The following ITK variants were observed in gnomAD, a reference collection of about 807,000 sequenced individuals.
ITK encodes IL2 inducible T cell kinase, also known as tyrosine-protein kinase ITK/TSK.
A neutral mutation model predicts 87.6 loss-of-function variants in ITK; 45 were observed. That is an observed-to-expected ratio of 0.51 (90% CI 0.40 to 0.66). The LOEUF (loss-of-function observed/expected upper bound fraction) is 0.66, where lower values mean the gene tolerates loss of function less well. ITK is among the 30% of genes least tolerant of loss of function. The pLI is 0.00. For synonymous variants in ITK, 303 were observed against 273.6 expected, an observed-to-expected ratio of 1.11 and a Z score of -1.06; for missense variants, 605 against 766.3, an observed-to-expected ratio of 0.79 and a Z score of 2.48.
intron 1 of ITK, among the ~76,000 whole-genome samples, chr5:157,208,414 C>G (rs1012840704): frequency 1.3e-5 from 2 of 151,200 alleles, no homozygotes; most frequent in Admixed American, 6.6e-5. Context: ...TGTGGGACTG[C>G]GGATAATTAA....
intron 6 of ITK, among the ~76,000 whole-genome samples, chr5:157,226,896 C>T (rs1309211986): frequency 6.6e-6 from 1 of 152,122 alleles, no homozygotes; most frequent in Non-Finnish European, 1.5e-5. Context: ...ACACCACTGC[C>T]CCCACCCGCC....
chr5:157,243,423 A>G (rs533633574), intron 11 of ITK, among the ~76,000 whole-genome samples, 200 bp from the exon 12 acceptor site: 40 of 152,252 alleles, frequency 2.6e-4, no homozygotes, highest in African/African-American at 6.3e-4. Flanking sequence ...CCTTCTTTCC[A>G]TGTTACCTTC....
At chr5:157,241,494 A>C in intron 10 of ITK, 152 bp from the exon 11 acceptor site, 11 of 668,718 alleles carry the variant, frequency 1.6e-5, no homozygotes, top group Non-Finnish European at 2.2e-5. Flanking sequence ...CAAGGAGGAT[A>C]TGATATCAAT....
At chr5:157,225,690 C>G (rs557200244) in intron 6 of ITK, among the ~76,000 whole-genome samples, 1 of 152,120 alleles carries the variant, frequency 6.6e-6, no homozygotes, top group Non-Finnish European at 1.5e-5. Context: ...CAACTCCCCT[C>G]GTCTGGAACC....
intron 7 of ITK, among the ~76,000 whole-genome samples, chr5:157,230,002 A>AT (rs1561659779): frequency 6.6e-6 from 1 of 152,184 alleles, no homozygotes; most frequent in Admixed American, 6.5e-5. Flanking sequence ...ACAAAAAAAT[A>AT]TTTTTTGTTA....
rs549137611 is a variant in ITK at position 157,220,445 on chromosome 5, T to C, written c.496-2418T>C. ...CACTAGAATGTGTCTGCATGTGTCC[T>C]TTCTTGCTGGCTGCCTACTAAGGCA... is the stretch of plus-strand genomic sequence containing the variant. On this transcript the variant is annotated intron_variant, in intron 5 of 16. Transcript: ENST00000422843. Among the ~76,000 whole-genome samples the C allele has an allele frequency of 2.0e-5, 3 of 152,330 alleles. No homozygotes were observed. The South Asian group carries it at 6.2e-4, about 32-fold the overall frequency.
At chr5:157,245,266 A>T in intron 13 of ITK, 1 of 226,512 alleles carries the variant, frequency 4.4e-6, no homozygotes, top group East Asian at 1.1e-4. Context: ...CTGGAGTGTT[A>T]TCTCCAATGG....
intron 7 of ITK, among the ~76,000 whole-genome samples, chr5:157,229,817 G>T (rs4122649): frequency 0.2 from 31,029 of 152,122 alleles, 4,077 homozygotes; most frequent in East Asian, 0.54. Context: ...GGGAGGCTGA[G>T]GCAGGAGAAT....
chr5:157,240,162 C>T lies in ITK; in HGVS notation c.952C>T (p.Leu318Phe). 3 of 1,614,140 alleles carry T rather than the reference C, an allele frequency of 1.9e-6. No individual in the cohort carries two copies. Among genetic ancestry groups the T allele is most frequent in the Non-Finnish European group, 2.5e-6 (3 of 1,180,002 alleles). Residue 318 changes from leucine (L) to phenylalanine (F), a missense_variant, in exon 10 of 17, where the codon CTT (leucine) becomes TTT (phenylalanine). Physicochemically the swap from Leu to Phe is conservative, Grantham distance 22 (BLOSUM62 0). Transcript: ENST00000422843. Reference sequence around the variant, plus strand: ...AAAGTATGTGTTCGATTCCATCCCTCTTCTCATCAACTATCACCAACATAA... The same window carrying T: ...AAAGTATGTGTTCGATTCCATCCCTTTTCTCATCAACTATCACCAACATAA... ...AEKYVFDSIP[L>F]LINYHQHNGG...
At chr5:157,229,444 A>T (rs1336404173) in intron 7 of ITK, among the ~76,000 whole-genome samples, 3 of 152,242 alleles carry the variant, frequency 2.0e-5, no homozygotes, top group Non-Finnish European at 2.9e-5. Flanking sequence ...CACTTCTGTG[A>T]TATTCCTGCT....
rs769943503 is a variant in ITK at position 157,180,845 on chromosome 5, T to C, written c.-133T>C. 4.6e-4 allele frequency: 368 copies of C among 805,742 alleles called. 1 individual carries two copies. Among genetic ancestry groups the C allele is most frequent in the Admixed American group, 9.5e-4 (46 of 48,286 alleles). The allele number at this position is 805,742 out of a possible 1,614,324, so 49.9% of individuals were successfully genotyped here. A position where few individuals can be genotyped will look rare whatever the true frequency, so the allele number is the denominator to read the frequency against. ...CTGAACGTTGATAGAAAGATAACGTTGAAGGCAAGTTGCCCTTGAGCAGCT... is the reference window on the plus strand; with the variant it reads ...CTGAACGTTGATAGAAAGATAACGTCGAAGGCAAGTTGCCCTTGAGCAGCT... On this transcript the variant is annotated 5_prime_UTR_variant, in exon 1 of 17. Transcript: ENST00000422843.
At chr5:157,194,398 A>G (rs1423539404) in intron 1 of ITK, among the ~76,000 whole-genome samples, 5 of 152,062 alleles carry the variant, frequency 3.3e-5, no homozygotes, top group Non-Finnish European at 7.4e-5. Context: ...GCACTATTTA[A>G]TTTTCCAGAT....
intron 5 of ITK, among the ~76,000 whole-genome samples, chr5:157,220,948 T>A (rs1754401783): frequency 6.6e-6 from 1 of 152,176 alleles, no homozygotes; most frequent in South Asian, 2.1e-4. Flanking sequence ...ACCATCTGTC[T>A]CTTGGGCTCA....
chr5:157,187,220 G>GT (rs986188570), intron 1 of ITK, among the ~76,000 whole-genome samples: 1 of 152,204 alleles, frequency 6.6e-6, no homozygotes, highest in Non-Finnish European at 1.5e-5. Flanking sequence ...CTACTCATTT[G>GT]TTAATGTGAT....
At chr5:157,208,352 G>A (rs1232571187) in intron 1 of ITK, among the ~76,000 whole-genome samples, 1 of 152,150 alleles carries the variant, frequency 6.6e-6, no homozygotes, top group Non-Finnish European at 1.5e-5. Context: ...GGGAGGACAT[G>A]GAGAAGGGAT....
At chr5:157,223,042 C>G (rs2288502) in intron 6 of ITK, 28 bp downstream of exon 6, 1 of 1,613,564 alleles carries the variant, frequency 6.2e-7, no homozygotes, top group Non-Finnish European at 8.5e-7. Context: ...CTGCTGTCCC[C>G]GTGTTTGAGG....
intron 1 of ITK, among the ~76,000 whole-genome samples, chr5:157,189,995 A>G (rs536908780): frequency 2.0e-5 from 3 of 152,202 alleles, no homozygotes; most frequent in African/African-American, 7.2e-5. Flanking sequence ...ACTAAAAGTG[A>G]TCCTAAGGAG....
At chr5:157,214,601 C>T (rs1476113031) in intron 4 of ITK, among the ~76,000 whole-genome samples, 2 of 152,026 alleles carry the variant, frequency 1.3e-5, no homozygotes, top group Non-Finnish European at 1.5e-5. Flanking sequence ...CCACTCATGA[C>T]CTACTAGATC....
intron 6 of ITK, among the ~76,000 whole-genome samples, chr5:157,224,110 C>T (rs1754483637): frequency 1.3e-5 from 2 of 151,866 alleles, no homozygotes; most frequent in Admixed American, 1.3e-4. Context: ...ATGGTGAAAC[C>T]CTGTCTCTAC....
Sources: allele counts gnomAD v4.1 joint callset (sites outside exome capture counted in the v4.1 genomes callset), GRCh38; gene constraint gnomAD v4.1.1; transcripts MANE v1.5; gene names NCBI Gene and HGNC (gene_info 2026-07-23, HGNC 2026-07-21).